Variants in GALNT10 observed in about 807,000 individuals in gnomAD.
The protein encoded by GALNT10 is polypeptide N-acetylgalactosaminyltransferase 10.
GALNT10 carries 41 observed loss-of-function variants against 75.0 expected under a neutral mutation model. The observed-to-expected ratio is 0.55, with a 90% CI of 0.43 to 0.71. The LOEUF is 0.71. Among genes scored for constraint, GALNT10 ranks in the 30% least tolerant of loss-of-function variants. GALNT10 has a pLI of 0.00. For missense variants in GALNT10, 727 were observed against 818.5 expected, an observed-to-expected ratio of 0.89 and a Z score of 1.36; for synonymous variants, 302 against 313.0, an observed-to-expected ratio of 0.96 and a Z score of 0.37.
In GALNT10 at chr5:154,363,492, G is replaced by GAA. The variant is rs57710576; in HGVS notation, c.569-12757_569-12756dup. 2.0e-3 allele frequency among the ~76,000 whole-genome samples: 76 copies of GAA among 37,540 alleles called. 12 individuals carry two copies. Among genetic ancestry groups the GAA allele is most frequent in the Middle Eastern group, 0.019 (1 of 52 alleles). The allele number at this position is 37,540 out of a possible 152,430, so 24.6% of individuals were successfully genotyped here. A position where few individuals can be genotyped will look rare whatever the true frequency, so the allele number is the denominator to read the frequency against. The stretch of plus-strand genomic sequence containing the variant: ...AAGGATTTTGTGCCAGCGTTTATCT[G>GAA]AAAAAAAAAAAAAAAAAAAAAAAAA... On this transcript the variant is annotated intron_variant, in intron 4 of 11. Coordinates refer to ENST00000297107, the MANE Select transcript of GALNT10 (RefSeq NM_198321.4).
chr5:154,206,551 G>A lies in GALNT10; in HGVS notation c.159+15526G>A, dbSNP rs192367118. Among the ~76,000 whole-genome samples, 5 of 152,350 alleles carry A rather than the reference G, an allele frequency of 3.3e-5. No homozygotes were observed. The East Asian group carries it at 7.7e-4, about 23-fold the overall frequency. On this transcript the variant is annotated intron_variant, in intron 1 of 11. Transcript: ENST00000297107. ...GCTGCGGGAAGCCAAGAGGAAGGGAGCAGCACCCTAGTTGTAATCAGGAAG... is the reference window on the plus strand; with the variant it reads ...GCTGCGGGAAGCCAAGAGGAAGGGAACAGCACCCTAGTTGTAATCAGGAAG...
intron 1 of GALNT10, among the ~76,000 whole-genome samples, chr5:154,247,090 T>G (rs893863709): frequency 2.7e-4 from 41 of 152,228 alleles, no homozygotes; most frequent in African/African-American, 9.6e-4. Flanking sequence ...TTCTTGTTTT[T>G]GTCAGGTTTG....
chr5:154,404,869 T>C (rs778180058), intron 8 of GALNT10, among the ~76,000 whole-genome samples: 2 of 152,220 alleles, frequency 1.3e-5, no homozygotes, highest in Non-Finnish European at 2.9e-5. Context: ...AACTGTTTCA[T>C]TGCCTTAAAA....
At chr5:154,358,662 G>A (rs1474828800) in intron 4 of GALNT10, among the ~76,000 whole-genome samples, 1 of 152,108 alleles carries the variant, frequency 6.6e-6, no homozygotes, top group Non-Finnish European at 1.5e-5. Flanking sequence ...ACCACTGCCA[G>A]TAATGACGGT....
At chr5:154,197,351 C>A (rs1435264296) in intron 1 of GALNT10, among the ~76,000 whole-genome samples, 1 of 152,168 alleles carries the variant, frequency 6.6e-6, no homozygotes, top group Non-Finnish European at 1.5e-5. Flanking sequence ...GCAGCTTCCA[C>A]GTTTTTTCTG....
intron 1 of GALNT10, among the ~76,000 whole-genome samples, chr5:154,247,766 A>G (rs1476404900): frequency 6.6e-6 from 1 of 152,188 alleles, no homozygotes; most frequent in East Asian, 1.9e-4. Context: ...AAAAAGGGAC[A>G]ATTTGACTTC....
At chr5:154,218,836 T>C (rs1478203693) in intron 1 of GALNT10, among the ~76,000 whole-genome samples, 1 of 152,184 alleles carries the variant, frequency 6.6e-6, no homozygotes, top group African/African-American at 2.4e-5. Flanking sequence ...ACAGAAGCCT[T>C]GGCTTTCCCC....
chr5:154,271,212 ATCCCAGCAC>A (rs1173868175), intron 1 of GALNT10, among the ~76,000 whole-genome samples: 1 of 151,676 alleles, frequency 6.6e-6, no homozygotes, highest in Non-Finnish European at 1.5e-5. Flanking sequence ...AAGCCCTGTA[ATCCCAGCAC>A]TTTGGGAGGC....
intron 1 of GALNT10, among the ~76,000 whole-genome samples, chr5:154,283,278 T>TTAA (rs372943084): frequency 8.8e-5 from 7 of 79,514 alleles, no homozygotes; most frequent in East Asian, 4.1e-4. Context: ...ACCTCGTCTG[T>TTAA]AAAAAAAAAA....
chr5:154,350,552 A>G (rs1581987241), intron 4 of GALNT10, among the ~76,000 whole-genome samples: 1 of 152,248 alleles, frequency 6.6e-6, no homozygotes, highest in African/African-American at 2.4e-5. Flanking sequence ...AATGCTGCTT[A>G]TCATACAAAA....
chr5:154,333,607 C>G lies in GALNT10; in HGVS notation c.568+3869C>G, dbSNP rs569048889. ...ACAGTCTTGACAAAGAAAAGGTACACTTCATAACAAGATCATTCTCTAAGT... is the reference window on the plus strand; with the variant it reads ...ACAGTCTTGACAAAGAAAAGGTACAGTTCATAACAAGATCATTCTCTAAGT... On this transcript the variant is annotated intron_variant, in intron 4 of 11. Transcript: ENST00000297107. Among the ~76,000 whole-genome samples the G allele has an allele frequency of 1.7e-3, 266 of 152,182 alleles. 1 individual carries two copies. Among genetic ancestry groups the G allele is most frequent in the African/African-American group, 4.3e-3 (180 of 41,520 alleles).
At chr5:154,407,550 T>G (rs955192512) in intron 8 of GALNT10, among the ~76,000 whole-genome samples, 1 of 152,182 alleles carries the variant, frequency 6.6e-6, no homozygotes. Context: ...CTGGCCATGG[T>G]CAGAGTGTCC....
At chr5:154,330,149 A>C (rs373628709) in intron 4 of GALNT10, among the ~76,000 whole-genome samples, 13 of 152,332 alleles carry the variant, frequency 8.5e-5, no homozygotes, top group East Asian at 5.8e-4. Context: ...CCTCATCCTC[A>C]TGGTCACAAA....
chr5:154,369,706 C>G (rs1363748227), intron 4 of GALNT10, among the ~76,000 whole-genome samples: 1 of 152,190 alleles, frequency 6.6e-6, no homozygotes, highest in Non-Finnish European at 1.5e-5. Context: ...AGAAGCCAAG[C>G]AGAGCCAAGA....
Position 154,329,966 on chromosome 5 carries a change from A to AAAAAAC in GALNT10, c.568+233_568+234insCAAAAA, listed in dbSNP as rs1321511226. On this transcript the variant is annotated intron_variant, in intron 4 of 11. Transcript: ENST00000297107. ...GTTTAGAAATGTATTAACTGCAAAA[A>AAAAAAC]AAAAAAAAAAACAGAAAACTTGATA... 3.3e-5 allele frequency: 12 copies of AAAAAAC among 362,764 alleles called. No homozygotes were observed. The East Asian group carries it at 4.0e-4, about 12-fold the overall frequency. The allele number at this position is 362,764 out of a possible 1,614,324, so 22.5% of individuals were successfully genotyped here. A position where few individuals can be genotyped will look rare whatever the true frequency, so the allele number is the denominator to read the frequency against.
At chr5:154,231,995 G>A (rs1753157829) in intron 1 of GALNT10, among the ~76,000 whole-genome samples, 3 of 152,208 alleles carry the variant, frequency 2.0e-5, no homozygotes, top group African/African-American at 7.2e-5. Context: ...TCAAAGAAAT[G>A]CTGCAGGCAT....
At chr5:154,278,011 A>T (rs1753976606) in intron 1 of GALNT10, among the ~76,000 whole-genome samples, 1 of 152,206 alleles carries the variant, frequency 6.6e-6, no homozygotes, top group Non-Finnish European at 1.5e-5. Flanking sequence ...CACAATAAAC[A>T]TGTTTTAGGT....
At chr5:154,246,603 T>A (rs541639475) in intron 1 of GALNT10, among the ~76,000 whole-genome samples, 5 of 152,394 alleles carry the variant, frequency 3.3e-5, no homozygotes, top group Admixed American at 2.6e-4. Flanking sequence ...TGTATAAATG[T>A]CTTCTTTTGA....
chr5:154,377,658 C>A (rs1310467854), intron 5 of GALNT10, among the ~76,000 whole-genome samples: 1 of 152,204 alleles, frequency 6.6e-6, no homozygotes, highest in African/African-American at 2.4e-5. Context: ...AGAACCCACA[C>A]AAACACACAG....
Sources: allele counts gnomAD v4.1 joint callset (sites outside exome capture counted in the v4.1 genomes callset), GRCh38; gene constraint gnomAD v4.1.1; transcripts MANE v1.5; gene names NCBI Gene and HGNC (gene_info 2026-07-23, HGNC 2026-07-21).